LHFPL2: variants seen among roughly 807,000 people sequenced by gnomAD.
LHFPL2 encodes LHFPL tetraspan subfamily member 2, also known as LHFPL tetraspan subfamily member 2 protein.
Under a neutral mutation model 17.5 loss-of-function variants are expected in LHFPL2, and 7 were observed. The observed-to-expected ratio is 0.40, with a 90% CI of 0.23 to 0.75. The LOEUF (loss-of-function observed/expected upper bound fraction) is 0.75. LHFPL2 is among the 30% of genes least tolerant of loss of function. The pLI, the probability that LHFPL2 is intolerant of heterozygous loss-of-function variation, is 0.37. For synonymous variants in LHFPL2, 134 were observed against 116.2 expected, an observed-to-expected ratio of 1.15 and a Z score of -0.99; for missense variants, 241 against 294.8, an observed-to-expected ratio of 0.82 and a Z score of 1.34.
At chr5:78,514,584 C>CA (rs1438066869) in intron 3 of LHFPL2, among the ~76,000 whole-genome samples, 1 of 152,160 alleles carries the variant, frequency 6.6e-6, no homozygotes, top group Non-Finnish European at 1.5e-5. Flanking sequence ...CTGCTGTCAG[C>CA]AGGGAAGAAA....
intron 3 of LHFPL2, among the ~76,000 whole-genome samples, chr5:78,514,567 C>G (rs1347988962): frequency 6.6e-6 from 1 of 152,182 alleles, no homozygotes; most frequent in African/African-American, 2.4e-5. Flanking sequence ...CTGTCTTTGG[C>G]AGCTTCCTGC....
chr5:78,645,549 C>G (rs72762907), intron 1 of LHFPL2, among the ~76,000 whole-genome samples: 11 of 17,932 alleles, frequency 6.1e-4, no homozygotes, highest in Non-Finnish European at 1.6e-3. Context: ...TGCATACACA[C>G]ACACACACAC....
chr5:78,539,230 G>A (rs569028290), intron 3 of LHFPL2, among the ~76,000 whole-genome samples: 2 of 152,256 alleles, frequency 1.3e-5, no homozygotes, highest in Admixed American at 6.5e-5. Flanking sequence ...TCTTGGAAGC[G>A]GATAGCAGCC....
chr5:78,622,965 T>C lies in LHFPL2; in HGVS notation c.-245+9299A>G, dbSNP rs565330721. Among the ~76,000 whole-genome samples, 8 of 152,194 alleles carry C rather than the reference T, an allele frequency of 5.3e-5. No homozygotes were observed. The East Asian group carries it at 9.7e-4, about 18-fold the overall frequency. On this transcript the variant is annotated intron_variant, in intron 2 of 4. Coordinates refer to ENST00000380345, the MANE Select transcript of LHFPL2 (RefSeq NM_005779.3). ...ACTGGGGTGATGATTGGGGATCTTA[T>C]CTAGGCTGTGGGAAAACAGCATGTG...
intron 2 of LHFPL2, among the ~76,000 whole-genome samples, chr5:78,571,033 C>T (rs1756986166): frequency 6.6e-6 from 1 of 152,130 alleles, no homozygotes. Flanking sequence ...AAGGAACACT[C>T]TCATGGAGGC....
At chr5:78,619,804 T>C (rs1744774518) in intron 2 of LHFPL2, among the ~76,000 whole-genome samples, 2 of 118,474 alleles carry the variant, frequency 1.7e-5, no homozygotes, top group African/African-American at 3.2e-5. Flanking sequence ...TGATTTCCAA[T>C]TTCATCCATG....
chr5:78,547,646 G>A (rs898020334), intron 3 of LHFPL2, among the ~76,000 whole-genome samples: 7 of 152,142 alleles, frequency 4.6e-5, no homozygotes, highest in East Asian at 1.9e-4. Context: ...GTTTCCACAC[G>A]TATGAAATAT....
intron 2 of LHFPL2, among the ~76,000 whole-genome samples, chr5:78,618,607 T>A (rs114952490): frequency 6.6e-6 from 1 of 152,176 alleles, no homozygotes; most frequent in African/African-American, 2.4e-5. Context: ...AAGAGCAGTG[T>A]TCCTTCCAAC....
intron 4 of LHFPL2, among the ~76,000 whole-genome samples, chr5:78,506,272 A>G (rs888759939): frequency 6.6e-6 from 1 of 152,176 alleles, no homozygotes; most frequent in Non-Finnish European, 1.5e-5. Context: ...TTATATCTTA[A>G]AATTAGGTGT....
At chr5:78,611,034 G>GA (rs927290503) in intron 2 of LHFPL2, among the ~76,000 whole-genome samples, 4 of 151,294 alleles carry the variant, frequency 2.6e-5, no homozygotes, top group African/African-American at 4.9e-5. Context: ...ACTGAGAAGG[G>GA]AAAAAAAAAG....
chr5:78,497,289 GTTAA>G (rs35958912), intron 4 of LHFPL2, among the ~76,000 whole-genome samples: 106,607 of 151,500 alleles, frequency 0.7, 38,794 homozygotes, highest in East Asian at 0.92. Context: ...TAAGGCTGTG[GTTAA>G]TTAAATCTCT....
intron 2 of LHFPL2, among the ~76,000 whole-genome samples, chr5:78,585,777 C>T (rs1182766566): frequency 6.6e-6 from 1 of 152,128 alleles, no homozygotes; most frequent in Admixed American, 6.5e-5. Flanking sequence ...CATTTGTCTT[C>T]ATGAAAAACT....
At chr5:78,543,106 T>C (rs1756163086) in intron 3 of LHFPL2, among the ~76,000 whole-genome samples, 1 of 152,148 alleles carries the variant, frequency 6.6e-6, no homozygotes, top group African/African-American at 2.4e-5. Context: ...ACCTGCATAA[T>C]AAAAGATGGT....
intron 2 of LHFPL2, among the ~76,000 whole-genome samples, 196 bp from the exon 3 acceptor site, chr5:78,565,067 A>G (rs572764497): frequency 6.6e-6 from 1 of 152,330 alleles, no homozygotes; most frequent in South Asian, 2.1e-4. Flanking sequence ...GGTCCAAACC[A>G]CTGATGAACC....
intron 2 of LHFPL2, among the ~76,000 whole-genome samples, chr5:78,621,963 T>G (rs1415435441): frequency 6.6e-6 from 1 of 152,170 alleles, no homozygotes; most frequent in Non-Finnish European, 1.5e-5. Context: ...TCAGTGTTCC[T>G]CCCGAGAAAC....
chr5:78,544,975 C>T (rs556723307), intron 3 of LHFPL2, among the ~76,000 whole-genome samples: 8 of 152,194 alleles, frequency 5.3e-5, no homozygotes, highest in East Asian at 3.9e-4. Context: ...GGAGAGTGCA[C>T]GCATTTCCTC....
chr5:78,550,138 T>A (rs1242726834), intron 3 of LHFPL2, among the ~76,000 whole-genome samples: 2 of 152,230 alleles, frequency 1.3e-5, no homozygotes, highest in Non-Finnish European at 2.9e-5. Flanking sequence ...CACAGGCTAC[T>A]GGACCACTAG....
At chr5:78,492,164 C>T (rs1275396864) in intron 4 of LHFPL2, among the ~76,000 whole-genome samples, 1 of 152,142 alleles carries the variant, frequency 6.6e-6, no homozygotes, top group South Asian at 2.1e-4. Flanking sequence ...TCCCCCAGCC[C>T]GGCACGCAAA....
chr5:78,596,413 G>A (rs1207802157), intron 2 of LHFPL2, among the ~76,000 whole-genome samples: 1 of 152,158 alleles, frequency 6.6e-6, no homozygotes, highest in Admixed American at 6.5e-5. Flanking sequence ...ATGAACATTT[G>A]AATGAAATAG....
Sources: allele counts gnomAD v4.1 joint callset (sites outside exome capture counted in the v4.1 genomes callset), GRCh38; gene constraint gnomAD v4.1.1; transcripts MANE v1.5; gene names NCBI Gene and HGNC (gene_info 2026-07-23, HGNC 2026-07-21).